The following DMD variants were observed in gnomAD, a reference collection of about 807,000 sequenced individuals.
DMD encodes the protein dystrophin, also known as mutant dystrophin.
A neutral mutation model predicts 330.1 loss-of-function variants in DMD; 63 were observed. The observed-to-expected ratio is 0.19, with a 90% CI of 0.16 to 0.24. The LOEUF (loss-of-function observed/expected upper bound fraction) is 0.24. DMD is among the 10% of genes least tolerant of loss of function. The pLI is 1.00. For synonymous variants in DMD, 1,223 were observed against 959.8 expected, an observed-to-expected ratio of 1.27 and a Z score of -5.07; for missense variants, 3,344 against 2,684.1, an observed-to-expected ratio of 1.25 and a Z score of -5.43.
intron 52 of DMD, among the ~76,000 whole-genome samples, chrX:31,683,209 C>T (rs774127590): frequency 8.9e-6 from 1 of 111,944 alleles, no homozygotes; most frequent in South Asian, 3.7e-4. Context: ...CCATCTATCC[C>T]TCTGTGCATC....
At chrX:31,339,852 G>A (rs772556757) in intron 61 of DMD, among the ~76,000 whole-genome samples, 1 of 112,528 alleles carries the variant, frequency 8.9e-6, no homozygotes, top group African/African-American at 3.2e-5. Context: ...TGGGATTACT[G>A]GCGTGAGCCA....
chrX:31,929,674 A>G lies in DMD; in HGVS notation c.6834T>C (p.Leu2278=). Residue 2278 remains leucine (L), a synonymous_variant, in exon 47 of 79, where the codon CTT becomes CTC. Transcript: ENST00000357033. Reference sequence around the variant, plus strand: ...CTTCTGGGCTTATGGGAGCACTTACAAGCACGGGTCCTCCAGTTTCATTTA... The same window carrying G: ...CTTCTGGGCTTATGGGAGCACTTACGAGCACGGGTCCTCCAGTTTCATTTA... The part of the protein sequence containing the change: ...KQLNETGGPV[L]VSAPISPEEQ... 8.3e-7 allele frequency: 1 copy of G among 1,211,121 alleles called. No individual in the cohort carries two copies. The highest frequency in any genetic ancestry group is 1.1e-6 in the Non-Finnish European group (1 of 895,193).
chrX:31,936,777 A>G (rs773429916), intron 45 of DMD, among the ~76,000 whole-genome samples: 4 of 111,564 alleles, frequency 3.6e-5, no homozygotes, highest in Non-Finnish European at 7.6e-5. Context: ...TTCATTTGTT[A>G]AAAAAGAACA....
At chrX:31,478,396 G>C in intron 58 of DMD, 22 bp from the exon 59 acceptor site, 5 of 1,210,579 alleles carry the variant, frequency 4.1e-6, no homozygotes, top group Non-Finnish European at 5.6e-6. Context: ...ATATGACAAG[G>C]TTTTAGGCCA....
At chrX:31,173,496 T>C (rs1268898159) in intron 72 of DMD, 43 bp downstream of exon 72, 2 of 1,165,069 alleles carry the variant, frequency 1.7e-6, no homozygotes, top group East Asian at 5.9e-5. Context: ...CCTTGGTTAG[T>C]TATTTCAATC....
chrX:31,791,167 C>T (rs895882197), intron 50 of DMD, among the ~76,000 whole-genome samples: 1 of 111,793 alleles, frequency 8.9e-6, no homozygotes, highest in African/African-American at 3.2e-5. Context: ...CTTTAAAAGT[C>T]GTACTCTTTA....
chrX:31,750,820 A>G (rs916552332), intron 51 of DMD, among the ~76,000 whole-genome samples: 5 of 101,262 alleles, frequency 4.9e-5, no homozygotes, highest in Non-Finnish European at 1.0e-4. Flanking sequence ...AAATCAATGT[A>G]CAAAAATCAC....
chrX:33,232,952 G>A (rs1477165750), intron 1 of DMD, among the ~76,000 whole-genome samples: 1 of 111,628 alleles, frequency 9.0e-6, no homozygotes, highest in Non-Finnish European at 1.9e-5. Flanking sequence ...GGAAAAGAAA[G>A]ATGTTGATCA....
intron 43 of DMD, among the ~76,000 whole-genome samples, chrX:32,239,099 T>C (rs1030508764): frequency 1.8e-5 from 2 of 111,879 alleles, no homozygotes; most frequent in African/African-American, 6.5e-5. Context: ...TGCATTCCTC[T>C]TGCGTCACTC....
chrX:32,551,409 T>C (rs952936402), intron 16 of DMD, among the ~76,000 whole-genome samples: 2 of 111,351 alleles, frequency 1.8e-5, no homozygotes, highest in Non-Finnish European at 1.9e-5. Context: ...TCAGTAGATA[T>C]AGAAAAGGCA....
chrX:32,559,272 A>G (rs1390699019), intron 16 of DMD, among the ~76,000 whole-genome samples: 1 of 111,473 alleles, frequency 9.0e-6, no homozygotes, highest in African/African-American at 3.3e-5. Flanking sequence ...TTTTTCTAAT[A>G]AAACTTTAAC....
At chrX:33,045,882 T>C (rs2094374893) in intron 1 of DMD, among the ~76,000 whole-genome samples, 1 of 111,024 alleles carries the variant, frequency 9.0e-6, no homozygotes, top group Non-Finnish European at 1.9e-5. Flanking sequence ...CTTGAGAAGG[T>C]CATGGAAGTT....
chrX:32,183,981 T>G (rs773258326), intron 44 of DMD, among the ~76,000 whole-genome samples: 9 of 110,644 alleles, frequency 8.1e-5, no homozygotes, highest in African/African-American at 2.6e-4. Context: ...GAAAAATGAG[T>G]CAACCCTTGC....
intron 9 of DMD, among the ~76,000 whole-genome samples, chrX:32,685,423 A>G (rs2062785249): frequency 8.9e-6 from 1 of 111,893 alleles, no homozygotes; most frequent in Admixed American, 9.6e-5. Context: ...AGAAATTTCT[A>G]ATTAAAGTTC....
chrX:32,895,153 T>C (rs1217619362), intron 2 of DMD, among the ~76,000 whole-genome samples: 1 of 111,914 alleles, frequency 8.9e-6, no homozygotes, highest in East Asian at 2.8e-4. Context: ...CCTAATTAAT[T>C]CCCAAAGGTT....
At chrX:32,852,967 C>A (rs2081256736) in intron 2 of DMD, among the ~76,000 whole-genome samples, 1 of 111,716 alleles carries the variant, frequency 9.0e-6, no homozygotes, top group Non-Finnish European at 1.9e-5. Flanking sequence ...AGACAGGATC[C>A]TAAAAGCAGC....
chrX:32,780,780 A>G (rs1233716468), intron 7 of DMD, among the ~76,000 whole-genome samples: 1 of 110,200 alleles, frequency 9.1e-6, no homozygotes, highest in African/African-American at 3.3e-5. Flanking sequence ...CTTTCATGTA[A>G]TATGCTAATG....
intron 76 of DMD, among the ~76,000 whole-genome samples, chrX:31,140,938 C>T (rs1389104300): frequency 1.8e-5 from 2 of 111,492 alleles, no homozygotes; most frequent in African/African-American, 3.3e-5. Flanking sequence ...TGCCTTTAAT[C>T]CCAGCACTTT....
intron 44 of DMD, among the ~76,000 whole-genome samples, chrX:32,199,780 T>TTTTGTGTGTGTGTGTG: frequency 1.2e-5 from 1 of 84,140 alleles, no homozygotes; most frequent in South Asian, 6.6e-4. Flanking sequence ...CGCAAGGCTT[T>TTTTGTGTGTGTGTGTG]TGTGTGTGTG....
Sources: gnomAD v4.1 joint callset for allele counts (sites outside exome capture counted in the v4.1 genomes callset) on GRCh38, gnomAD v4.1.1 for gene constraint, MANE v1.5 for transcripts, NCBI Gene and HGNC (gene_info 2026-07-23, HGNC 2026-07-21) for gene names.